B3GALT1: variants seen among roughly 807,000 people sequenced by gnomAD.
The protein encoded by B3GALT1 is beta-1,3-galactosyltransferase 1.
B3GALT1 carries 10 observed loss-of-function variants against 23.2 expected under a neutral mutation model. The observed-to-expected ratio is 0.43, with a 90% confidence interval of 0.27 to 0.73. The LOEUF is 0.73. Ranked by LOEUF, B3GALT1 falls within the 30% of genes least tolerant of loss-of-function variation. The pLI is 0.21. For synonymous variants in B3GALT1, 156 were observed against 141.5 expected, an observed-to-expected ratio of 1.10 and a Z score of -0.73; for missense variants, 299 against 405.4, an observed-to-expected ratio of 0.74 and a Z score of 2.25.
intron 2 of B3GALT1, among the ~76,000 whole-genome samples, chr2:167,540,897 A>C (rs1255763645): frequency 6.6e-6 from 1 of 152,208 alleles, no homozygotes; most frequent in African/African-American, 2.4e-5. Flanking sequence ...TGTTAATATG[A>C]AATTATTGAA....
chr2:167,348,197 T>C (rs1038781581), intron 1 of B3GALT1, among the ~76,000 whole-genome samples: 1 of 152,104 alleles, frequency 6.6e-6, no homozygotes, highest in African/African-American at 2.4e-5. Flanking sequence ...ATTAAAACAG[T>C]ATATACTTTT....
intron 1 of B3GALT1, among the ~76,000 whole-genome samples, chr2:167,389,361 A>G (rs1697979973): frequency 6.6e-6 from 1 of 152,176 alleles, no homozygotes; most frequent in Non-Finnish European, 1.5e-5. Context: ...ATCAACCACT[A>G]ATTGGGCCCA....
In B3GALT1 at chr2:167,746,499, T is replaced by C. The variant is rs74519371; in HGVS notation, c.-351-72173T>C. Among the ~76,000 whole-genome samples, 934 of 152,338 alleles carry C rather than the reference T, an allele frequency of 6.1e-3. 8 individuals are homozygous for C. The highest frequency in any genetic ancestry group is 0.021 in the African/African-American group (888 of 41,586). ...CATGTTGTGTGAGCATGTGATTTGTTGTTTTCTAAAAAAGTCATAAGTTCA... is the reference window on the plus strand; with the variant it reads ...CATGTTGTGTGAGCATGTGATTTGTCGTTTTCTAAAAAAGTCATAAGTTCA... On this transcript the variant is annotated intron_variant, in intron 3 of 4. Transcript: ENST00000392690.
intron 2 of B3GALT1, among the ~76,000 whole-genome samples, chr2:167,596,618 A>G (rs1055504039): frequency 6.6e-6 from 1 of 152,194 alleles, no homozygotes; most frequent in Non-Finnish European, 1.5e-5. Flanking sequence ...ATTGAAATTC[A>G]CCTAATTTCT....
At chr2:167,757,332 T>G (rs1687834398) in intron 3 of B3GALT1, among the ~76,000 whole-genome samples, 1 of 152,090 alleles carries the variant, frequency 6.6e-6, no homozygotes, top group Admixed American at 6.6e-5. Context: ...ATGGTGGGTG[T>G]CCAGGGTGAC....
intron 2 of B3GALT1, among the ~76,000 whole-genome samples, chr2:167,616,622 G>T (rs749298829): frequency 3.6e-4 from 54 of 152,080 alleles, no homozygotes; most frequent in Middle Eastern, 3.4e-3. Context: ...TTGAACCTGG[G>T]AGGCAGAGGT....
intron 2 of B3GALT1, among the ~76,000 whole-genome samples, chr2:167,623,258 C>G (rs1685290399): frequency 6.6e-6 from 1 of 152,038 alleles, no homozygotes; most frequent in Non-Finnish European, 1.5e-5. Flanking sequence ...TCCAGCAATC[C>G]CATTACTGGG....
At chr2:167,526,595 A>G (rs1683223663) in intron 2 of B3GALT1, among the ~76,000 whole-genome samples, 1 of 152,228 alleles carries the variant, frequency 6.6e-6, no homozygotes, top group African/African-American at 2.4e-5. Context: ...TCATTGTGTC[A>G]TGCACAATTT....
chr2:167,685,419 G>A (rs2105496567), intron 3 of B3GALT1, among the ~76,000 whole-genome samples: 1 of 152,276 alleles, frequency 6.6e-6, no homozygotes, highest in South Asian at 2.1e-4. Flanking sequence ...AGAGTAAATA[G>A]AAAACAAGCA....
At chr2:167,323,612 A>G (rs1220392550) in intron 1 of B3GALT1, among the ~76,000 whole-genome samples, 1 of 152,158 alleles carries the variant, frequency 6.6e-6, no homozygotes, top group South Asian at 2.1e-4. Flanking sequence ...GTGATGCAGC[A>G]GAAAAAGTAC....
At chr2:167,353,480 T>C (rs2105257400) in intron 1 of B3GALT1, among the ~76,000 whole-genome samples, 1 of 152,238 alleles carries the variant, frequency 6.6e-6, no homozygotes, top group East Asian at 1.9e-4. Context: ...CAAATGGCTG[T>C]TTCGTGACAT....
At chr2:167,757,851 A>G (rs1383240242) in intron 3 of B3GALT1, among the ~76,000 whole-genome samples, 1 of 152,144 alleles carries the variant, frequency 6.6e-6, no homozygotes, top group Non-Finnish European at 1.5e-5. Context: ...GATGAAGGAA[A>G]AGAGCAAATT....
intron 3 of B3GALT1, among the ~76,000 whole-genome samples, chr2:167,779,553 T>C (rs1055971025): frequency 6.6e-6 from 1 of 152,244 alleles, no homozygotes; most frequent in Non-Finnish European, 1.5e-5. Context: ...TGTTGGGTTG[T>C]TGTTTAGTAT....
At chr2:167,562,742 G>A (rs1684033557) in intron 2 of B3GALT1, among the ~76,000 whole-genome samples, 1 of 151,538 alleles carries the variant, frequency 6.6e-6, no homozygotes, top group Admixed American at 6.6e-5. Context: ...GGGAAGGTCA[G>A]CAGATAAACA....
rs74400229 is a variant in B3GALT1, at chr2:167,361,598, A to T, written c.-511+68264A>T. On this transcript the variant is annotated intron_variant, in intron 1 of 4. Transcript: ENST00000392690. ...CCATGAACAAAAACTCCAAAAGGACAAATAGAAAAAAATTCTCTCTGCTTT... is the reference window on the plus strand; with the variant it reads ...CCATGAACAAAAACTCCAAAAGGACTAATAGAAAAAAATTCTCTCTGCTTT... 7.5e-4 allele frequency among the ~76,000 whole-genome samples: 114 copies of T among 152,304 alleles called. 1 individual carries two copies. The East Asian group carries it at 0.018, about 24-fold the overall frequency.
chr2:167,322,226 G>T (rs73015843), intron 1 of B3GALT1, among the ~76,000 whole-genome samples: 2,234 of 151,384 alleles, frequency 0.015, 55 homozygotes, highest in East Asian at 0.083. Flanking sequence ...TTGTTAAAGG[G>T]ATTATTCTGA....
At chr2:167,799,233 T>G (rs11903408) in intron 3 of B3GALT1, among the ~76,000 whole-genome samples, 6,324 of 152,226 alleles carry the variant, frequency 0.042, 479 homozygotes, top group African/African-American at 0.14. Context: ...TAGTTTTTGG[T>G]TACATGGATG....
chr2:167,528,883 TG>T (rs1241077426), intron 2 of B3GALT1, among the ~76,000 whole-genome samples: 48 of 152,286 alleles, frequency 3.2e-4, no homozygotes, highest in African/African-American at 1.0e-3. Flanking sequence ...TTTGTACCCT[TG>T]ATCTTGGGTC....
chr2:167,362,887 G>A (rs1163191110), intron 1 of B3GALT1, among the ~76,000 whole-genome samples: 7 of 152,034 alleles, frequency 4.6e-5, no homozygotes, highest in Non-Finnish European at 1.0e-4. Context: ...ACGGAGTCTC[G>A]CCCTGTCACC....
Sources: allele counts gnomAD v4.1 joint callset (sites outside exome capture counted in the v4.1 genomes callset), GRCh38; gene constraint gnomAD v4.1.1; transcripts MANE v1.5; gene names NCBI Gene and HGNC (gene_info 2026-07-23, HGNC 2026-07-21).